LHFPL3: variants seen among roughly 807,000 people sequenced by gnomAD.
The protein encoded by LHFPL3 is LHFPL tetraspan subfamily member 3.
Under a neutral mutation model 19.3 loss-of-function variants are expected in LHFPL3, and 5 were observed. The ratio of observed to expected loss-of-function variants is 0.26; its 90% CI spans 0.14 to 0.54. LHFPL3 has a LOEUF of 0.54. Among genes scored for constraint, LHFPL3 ranks in the 20% least tolerant of loss-of-function variants. LHFPL3 has a pLI of 0.94. For missense variants in LHFPL3, 249 were observed against 307.4 expected, an observed-to-expected ratio of 0.81 and a Z score of 1.42; for synonymous variants, 133 against 126.2, an observed-to-expected ratio of 1.05 and a Z score of -0.36.
intron 1 of LHFPL3, among the ~76,000 whole-genome samples, chr7:104,579,147 C>A (rs1790404249): frequency 6.6e-6 from 1 of 152,122 alleles, no homozygotes; most frequent in African/African-American, 2.4e-5. Flanking sequence ...TATTGGAAGG[C>A]AATATGCTTT....
Position 104,399,621 on chromosome 7 carries a change from C to T in LHFPL3, c.445+70397C>T, listed in dbSNP as rs75611406. Among the ~76,000 whole-genome samples the T allele has an allele frequency of 7.9e-3, 1,178 of 149,406 alleles. 12 individuals are homozygous for T. Among genetic ancestry groups the T allele is most frequent in the African/African-American group, 0.027 (1,115 of 40,758 alleles). ...AGATTACAAGCACCTGCCACCACAC[C>T]GGGCTAAGTTTTGCATTTTTTTTTT... On this transcript the variant is annotated intron_variant, in intron 1 of 2. Coordinates refer to ENST00000424859, the MANE Select transcript of LHFPL3 (RefSeq NM_199000.3). This position sits in a 1 kb window ranked among gnomAD's most constrained non-coding sequence, Gnocchi z 4.4.
At chr7:104,723,648 C>T (rs1415190024) in intron 1 of LHFPL3, among the ~76,000 whole-genome samples, 1 of 138,978 alleles carries the variant, frequency 7.2e-6, no homozygotes, top group Non-Finnish European at 1.5e-5. Context: ...CTTGAACCCG[C>T]GAGGTAGAGG....
chr7:104,778,286 GATCTCCCACAACCT>G, intron 2 of LHFPL3, among the ~76,000 whole-genome samples: 1 of 152,120 alleles, frequency 6.6e-6, no homozygotes, highest in South Asian at 2.1e-4. Context: ...GCGGGAGCTT[GATCTCCCACAACCT>G]TGTGCAGAGG....
chr7:104,383,232 G>A (rs75444545), intron 1 of LHFPL3, among the ~76,000 whole-genome samples: 11,032 of 152,198 alleles, frequency 0.072, 446 homozygotes, highest in East Asian at 0.17. Context: ...TGTTCTTAAG[G>A]AGACATCTTC....
At chr7:104,365,787 CAA>C (rs571171040) in intron 1 of LHFPL3, among the ~76,000 whole-genome samples, 1 of 49,966 alleles carries the variant, frequency 2.0e-5, no homozygotes. Flanking sequence ...GACTCCGTCT[CAA>C]AAAAAAAAAA....
chr7:104,711,858 G>A (rs548190508), intron 1 of LHFPL3, among the ~76,000 whole-genome samples: 6 of 152,244 alleles, frequency 3.9e-5, no homozygotes, highest in Admixed American at 2.0e-4. Context: ...TCTCATGCCC[G>A]TCAATTTGGG....
chr7:104,793,851 T>G (rs1790068903), intron 2 of LHFPL3, among the ~76,000 whole-genome samples: 2 of 152,158 alleles, frequency 1.3e-5, no homozygotes, highest in South Asian at 4.1e-4. Context: ...CCAAAGAAAC[T>G]GTGGTAGTGG....
intron 1 of LHFPL3, among the ~76,000 whole-genome samples, chr7:104,375,106 A>G (rs1428101769): frequency 1.3e-5 from 2 of 152,252 alleles, no homozygotes; most frequent in African/African-American, 2.4e-5. Context: ...TGGGAGGCCA[A>G]GGCGGGCGGA....
chr7:104,447,661 G>C (rs1792354988), intron 1 of LHFPL3, among the ~76,000 whole-genome samples: 3 of 152,018 alleles, frequency 2.0e-5, no homozygotes, highest in African/African-American at 7.2e-5. Flanking sequence ...GGAACCCTAG[G>C]CTAGGGTTCT....
intron 2 of LHFPL3, among the ~76,000 whole-genome samples, chr7:104,817,231 C>T (rs980560665): frequency 6.6e-6 from 1 of 152,216 alleles, no homozygotes; most frequent in Non-Finnish European, 1.5e-5. Flanking sequence ...ATCCTGTGTG[C>T]CCATATTGTG....
rs10278044 is a variant in LHFPL3 at position 104,538,645 on chromosome 7, T to C, written c.446-198030T>C. ...GTTAAAATCTTGACTCTTTCATTTA[T>C]TATTTTTATTATATTAAGTTTCAGA... is the stretch of plus-strand genomic sequence containing the variant. On this transcript the variant is annotated intron_variant, in intron 1 of 2. Coordinates refer to ENST00000424859, the MANE Select transcript of LHFPL3 (RefSeq NM_199000.3). 9.4e-3 allele frequency among the ~76,000 whole-genome samples: 1,426 copies of C among 152,334 alleles called. 20 individuals are homozygous for C. The highest frequency in any genetic ancestry group is 0.032 in the African/African-American group (1,347 of 41,566).
At chr7:104,401,369 T>C (rs1426181698) in intron 1 of LHFPL3, among the ~76,000 whole-genome samples, 1 of 152,194 alleles carries the variant, frequency 6.6e-6, no homozygotes, top group Non-Finnish European at 1.5e-5. Context: ...AATCAACAGA[T>C]GAAATTTTTA....
At chr7:104,531,770 G>T (rs1034557470) in intron 1 of LHFPL3, among the ~76,000 whole-genome samples, 1 of 152,062 alleles carries the variant, frequency 6.6e-6, no homozygotes, top group African/African-American at 2.4e-5. Context: ...ATTTCATTCT[G>T]ACTCTGTGAT....
chr7:104,540,622 G>A (rs1036195579), intron 1 of LHFPL3, among the ~76,000 whole-genome samples: 19 of 152,176 alleles, frequency 1.2e-4, no homozygotes, highest in African/African-American at 4.3e-4. Context: ...TTTGAGGAAG[G>A]AAAGAAATGA....
chr7:104,849,995 G>A (rs1025218573), intron 2 of LHFPL3, among the ~76,000 whole-genome samples: 15 of 152,224 alleles, frequency 9.9e-5, no homozygotes, highest in African/African-American at 3.1e-4. Flanking sequence ...TATTAGGTTC[G>A]TGCAAAAGTA....
In LHFPL3 at chr7:104,713,862, G is replaced by T. The variant is rs144807050; in HGVS notation, c.446-22813G>T. Among the ~76,000 whole-genome samples, 306 of 152,246 alleles carry T rather than the reference G, an allele frequency of 2.0e-3. 1 individual carries two copies. Among genetic ancestry groups the T allele is most frequent in the African/African-American group, 7.1e-3 (297 of 41,566 alleles). On this transcript the variant is annotated intron_variant, in intron 1 of 2. Transcript: ENST00000424859. Reference sequence around the variant, plus strand: ...GGGTGAAAATAGAGAGTCCCAAGGGGAGTAACAATACCAAGGCAGAAAGCA... The same window carrying T: ...GGGTGAAAATAGAGAGTCCCAAGGGTAGTAACAATACCAAGGCAGAAAGCA...
rs576886243 is a variant in LHFPL3, at chr7:104,487,825, A to G, written c.445+158601A>G. 2.0e-5 allele frequency among the ~76,000 whole-genome samples: 3 copies of G among 152,140 alleles called. No individual in the cohort carries two copies. In the South Asian group the frequency reaches 6.2e-4, roughly 32 times the overall value. ...TATATGATGTTTGTTCACAATTTTT[A>G]TATGCTTCCTGGTAATATTTTTCTA... On this transcript the variant is annotated intron_variant, in intron 1 of 2. Transcript: ENST00000424859.
intron 1 of LHFPL3, among the ~76,000 whole-genome samples, chr7:104,554,728 G>T (rs1794730430): frequency 6.6e-6 from 1 of 152,082 alleles, no homozygotes; most frequent in African/African-American, 2.4e-5. Context: ...TATGGAAATT[G>T]GCTTATGCAA....
At chr7:104,716,342 CA>C (rs915180139) in intron 1 of LHFPL3, among the ~76,000 whole-genome samples, 142 of 128,430 alleles carry the variant, frequency 1.1e-3, no homozygotes, top group Non-Finnish European at 8.8e-4. Context: ...ACTCCATCTC[CA>C]AAAAAAAAAA....
Sources: allele counts gnomAD v4.1 joint callset (sites outside exome capture counted in the v4.1 genomes callset), GRCh38; gene constraint gnomAD v4.1.1; non-coding constraint Gnocchi (gnomAD v3.1); transcripts MANE v1.5; gene names NCBI Gene and HGNC (gene_info 2026-07-23, HGNC 2026-07-21).